Variants in ATP9A observed in about 807,000 individuals in gnomAD.
ATP9A encodes the protein probable phospholipid-transporting ATPase IIA.
A neutral mutation model predicts 144.1 loss-of-function variants in ATP9A; 52 were observed. That is an observed-to-expected ratio of 0.36 (90% confidence interval 0.29 to 0.45). The LOEUF (loss-of-function observed/expected upper bound fraction) is 0.45, where lower values mean the gene tolerates loss of function less well. ATP9A is among the 20% of genes least tolerant of loss of function. The pLI is 1.00. For synonymous variants in ATP9A, 582 were observed against 557.4 expected (o/e 1.04, Z -0.62); for missense variants, 947 against 1,392.7 (o/e 0.68, Z 5.09).
intron 13 of ATP9A, among the ~76,000 whole-genome samples, chr20:51,662,857 G>A (rs2077416648): frequency 6.6e-6 from 1 of 151,888 alleles, no homozygotes. Flanking sequence ...GATCACCTGA[G>A]GTCAGGAGTT....
chr20:51,634,844 A>G (rs968671961), intron 15 of ATP9A, among the ~76,000 whole-genome samples: 1 of 88,554 alleles, frequency 1.1e-5, no homozygotes, highest in African/African-American at 3.8e-5. Context: ...AACAAAAACA[A>G]AACTCCATCT....
Position 51,742,233 on chromosome 20 carries a change from A to G in ATP9A, c.69-12255T>C, listed in dbSNP as rs114330589. 9.4e-3 allele frequency among the ~76,000 whole-genome samples: 1,424 copies of G among 151,974 alleles called. 18 individuals are homozygous for G. The highest frequency in any genetic ancestry group is 0.032 in the African/African-American group (1,339 of 41,452). On this transcript the variant is annotated intron_variant, in intron 1 of 27. Coordinates refer to ENST00000338821, the MANE Select transcript of ATP9A (RefSeq NM_006045.3). ...TCAGCTACTTGGGGGGCTAAGGACG[A>G]AGGATTGCTTGAGCCCGGGAAGTCG...
At chr20:51,625,429 C>T in intron 17 of ATP9A, 67 bp from the exon 18 acceptor site, 1 of 1,533,428 alleles carries the variant, frequency 6.5e-7, no homozygotes, top group Admixed American at 1.9e-5. Context: ...TGGCCAGTGC[C>T]AAGAGTGGAA....
intron 3 of ATP9A, among the ~76,000 whole-genome samples, chr20:51,715,514 C>A (rs1362225914): frequency 2.6e-5 from 4 of 152,304 alleles, no homozygotes; most frequent in African/African-American, 9.6e-5. Context: ...CTGCGTGGGC[C>A]TGGCTAAATC....
chr20:51,652,047 G>A (rs1346622801), intron 14 of ATP9A, among the ~76,000 whole-genome samples: 1 of 152,190 alleles, frequency 6.6e-6, no homozygotes, highest in African/African-American at 2.4e-5. Context: ...CTCAAACCAA[G>A]AAACAAAGGC....
rs866042814 is a variant in ATP9A, at chr20:51,729,908, C to T, written c.139G>A (p.Glu47Lys). 8 of 1,606,292 alleles carry T rather than the reference C, an allele frequency of 5.0e-6. No individual in the cohort carries two copies. The highest frequency in any genetic ancestry group is 6.8e-6 in the Non-Finnish European group (8 of 1,177,828). ...CGAGGATACCTCTGGTCTCTCTTCT[C>T]GGGGTGCCCCAGCCAGACAGTGCGG... ...RPRTVWLGHP[E>K]KRDQRYPRNV... Residue 47 changes from glutamate to lysine, a missense_variant, in exon 2 of 28, where the codon GAG becomes AAG. By Grantham distance (56) the Glu-to-Lys change is moderately conservative. Transcript: ENST00000338821.
At chr20:51,748,813 A>G (rs544609095) in intron 1 of ATP9A, among the ~76,000 whole-genome samples, 58 of 152,306 alleles carry the variant, frequency 3.8e-4, no homozygotes, top group Middle Eastern at 6.8e-3. Context: ...GACCAAGCTC[A>G]GTGGCTCACG....
intron 9 of ATP9A, among the ~76,000 whole-genome samples, 167 bp downstream of exon 9, chr20:51,688,897 C>T (rs1177260895): frequency 6.6e-6 from 1 of 152,166 alleles, no homozygotes; most frequent in African/African-American, 2.4e-5. Context: ...TCTAAGTGTC[C>T]GAGCTGCAAT....
intron 13 of ATP9A, among the ~76,000 whole-genome samples, chr20:51,666,658 C>G (rs1391194340): frequency 2.2e-5 from 3 of 138,592 alleles, no homozygotes; most frequent in African/African-American, 8.2e-5. Flanking sequence ...TCAGCCTGGG[C>G]AACAGAGTGA....
chr20:51,725,929 G>C lies in ATP9A; in HGVS notation c.217C>G (p.Leu73Val), dbSNP rs551802397. ...AAAAAGTATTTGAACTGGTTGAACA[G>C]CACCTGGAATGGAGGGAGACAACAG... ...YNFFTFLPGV[L>V]FNQFKYFFNL... Residue 73 changes from leucine (L) to valine (V), a missense_variant, in exon 3 of 28, where the codon CTG becomes GTG. Around this residue, in one of 2 missense-constraint regions of ATP9A, gnomAD observed 770 missense variants for 1,047.9 expected, o/e 0.73. Coordinates refer to ENST00000338821, the MANE Select transcript of ATP9A (RefSeq NM_006045.3). The C allele has an allele frequency of 6.3e-7, 1 of 1,584,138 alleles. No homozygotes were observed. Among genetic ancestry groups the C allele is most frequent in the Non-Finnish European group, 8.7e-7 (1 of 1,152,884 alleles).
intron 4 of ATP9A, among the ~76,000 whole-genome samples, chr20:51,711,526 A>G (rs894523828): frequency 1.3e-5 from 2 of 152,222 alleles, no homozygotes; most frequent in Non-Finnish European, 2.9e-5. Flanking sequence ...AAGGCAAGGC[A>G]TAGCCTTTAT....
chr20:51,711,177 G>C (rs34036696), intron 4 of ATP9A, among the ~76,000 whole-genome samples: 8,711 of 152,188 alleles, frequency 0.057, 452 homozygotes, highest in African/African-American at 0.14. Flanking sequence ...AGTTTAGCAT[G>C]AATAAAGCAT....
chr20:51,688,361 G>A (rs1196971472), intron 9 of ATP9A, among the ~76,000 whole-genome samples: 1 of 152,172 alleles, frequency 6.6e-6, no homozygotes, highest in Non-Finnish European at 1.5e-5. Flanking sequence ...GGGAGGCTGA[G>A]GTGGGTGGAT....
intron 13 of ATP9A, among the ~76,000 whole-genome samples, chr20:51,667,816 C>G (rs2077438975): frequency 6.6e-6 from 1 of 151,654 alleles, no homozygotes; most frequent in African/African-American, 2.4e-5. Flanking sequence ...CTTTGGGAAG[C>G]CTTTGGGAGG....
At chr20:51,647,734 A>G (rs2077347633) in intron 14 of ATP9A, among the ~76,000 whole-genome samples, 2 of 152,036 alleles carry the variant, frequency 1.3e-5, no homozygotes, top group Admixed American at 6.5e-5. Flanking sequence ...TGTCTCAAAA[A>G]AGAAAAAGAA....
intron 9 of ATP9A, among the ~76,000 whole-genome samples, chr20:51,682,577 C>CTTTTTTTTTT (rs60505207): frequency 0.017 from 606 of 35,082 alleles, 163 homozygotes; most frequent in East Asian, 0.052. Context: ...TTCACTGTAT[C>CTTTTTTTTTT]TTTTTTTTTT....
chr20:51,738,204 A>G (rs1325347100), intron 1 of ATP9A, among the ~76,000 whole-genome samples: 1 of 151,822 alleles, frequency 6.6e-6, no homozygotes, highest in Non-Finnish European at 1.5e-5. Flanking sequence ...AATTTTTTGT[A>G]TGTTTAGTAC....
rs2077185432 is a variant in ATP9A at position 51,611,673 on chromosome 20, A to C, written c.2572-1508T>G. Among the ~76,000 whole-genome samples the C allele has an allele frequency of 6.6e-6, 1 of 152,226 alleles. No homozygotes were observed. Among genetic ancestry groups the C allele is most frequent in the Non-Finnish European group, 1.5e-5 (1 of 68,040 alleles). On this transcript the variant is annotated intron_variant, in intron 23 of 27. Transcript: ENST00000338821. The surrounding 1 kb of genome is among the most constrained non-coding windows in gnomAD (Gnocchi z 4.2). ...AACAGTAACATCCAGTTTTTGAAGA[A>C]GTCAGCTCATCCCGGCCAGCTTTTG...
At chr20:51,626,100 G>A (rs1461111616) in intron 17 of ATP9A, among the ~76,000 whole-genome samples, 4 of 152,210 alleles carry the variant, frequency 2.6e-5, no homozygotes, top group African/African-American at 4.8e-5. Flanking sequence ...TAAACAAGAC[G>A]AGGACCCTCC....
Sources: gnomAD v4.1 joint callset for allele counts (sites outside exome capture counted in the v4.1 genomes callset) on GRCh38, gnomAD v4.1.1 for gene constraint, gnomAD v4.1.1 regional missense constraint, Gnocchi (gnomAD v3.1) non-coding constraint, MANE v1.5 for transcripts, NCBI Gene and HGNC (gene_info 2026-07-23, HGNC 2026-07-21) for gene names.